The following ENPP2 variants were observed in gnomAD, a reference collection of about 807,000 sequenced individuals.
ENPP2 encodes the protein autotaxin.
A neutral mutation model predicts 120.2 loss-of-function variants in ENPP2; 51 were observed. The observed-to-expected ratio is 0.42, with a 90% CI of 0.34 to 0.54. The LOEUF (loss-of-function observed/expected upper bound fraction) is 0.54, where lower values mean the gene tolerates loss of function less well. ENPP2 is among the 20% of genes least tolerant of loss of function. The pLI, the probability that ENPP2 is intolerant of heterozygous loss-of-function variation, is 0.04. For synonymous variants in ENPP2, 365 were observed against 366.4 expected (o/e 1.00, Z 0.04); for missense variants, 920 against 1,066.5 (o/e 0.86, Z 1.91).
intron 5 of ENPP2, chr8:119,618,177 TGAGATGAG>T: frequency 2.7e-6 from 1 of 374,454 alleles, no homozygotes; most frequent in South Asian, 2.0e-5. Flanking sequence ...TAGCTTTTTT[TGAGATGAG>T]CTATCAAGGC....
At chr8:119,624,712 C>T (rs985968756) in intron 3 of ENPP2, among the ~76,000 whole-genome samples, 1 of 152,118 alleles carries the variant, frequency 6.6e-6, no homozygotes, top group Admixed American at 6.5e-5. Flanking sequence ...TTTATTAATA[C>T]AGATACTTTC....
At chr8:119,611,977 C>T (rs913428128) in intron 8 of ENPP2, among the ~76,000 whole-genome samples, 21 of 151,924 alleles carry the variant, frequency 1.4e-4, no homozygotes, top group African/African-American at 4.6e-4. Flanking sequence ...TGCTGTGAGC[C>T]GAGACTGTGC....
rs1375018672 is a variant in ENPP2 at position 119,621,470 on chromosome 8, T to C, written c.342A>G (p.Glu114=). The C allele has an allele frequency of 6.2e-7, 1 of 1,613,452 alleles. No individual in the cohort carries two copies. The highest frequency in any genetic ancestry group is 1.3e-5 in the African/African-American group (1 of 74,902). Residue 114 remains glutamate (E), a synonymous_variant, in exon 4 of 25, where the codon GAA becomes GAG. Transcript: ENST00000075322. ...CCTCTGAGCAGTGACAGGCATTTTC[T>C]TCATTTCTGACTTCTCCACATCTGT... ...TKDRCGEVRN[E]ENACHCSEDC...
In ENPP2 at chr8:119,557,560, T is replaced by A; in HGVS notation, c.2553A>T (p.Thr851=). Residue 851 remains threonine, a synonymous_variant, in exon 25 of 25, where the codon ACA becomes ACT. Transcript: ENST00000075322. ...CATATGTATGCAGGTATGTCTTGAG[T>A]GTCAGGATTTCTGGGTAGCTGCGGC... ...KTSRSYPEIL[T]LKTYLHTYES... The A allele has an allele frequency of 6.2e-7, 1 of 1,613,296 alleles. No homozygotes were observed. Among genetic ancestry groups the A allele is most frequent in the South Asian group, 1.1e-5 (1 of 91,032 alleles).
chr8:119,598,071 G>C (rs1587434823), intron 11 of ENPP2, among the ~76,000 whole-genome samples: 1 of 152,080 alleles, frequency 6.6e-6, no homozygotes. Context: ...TGATATATAG[G>C]TAGGCATATA....
intron 1 of ENPP2, among the ~76,000 whole-genome samples, chr8:119,655,873 G>C (rs529651381): frequency 6.6e-6 from 1 of 152,250 alleles, no homozygotes; most frequent in East Asian, 1.9e-4. Flanking sequence ...CTATGCAATG[G>C]GACATTTAGT....
At chr8:119,637,064 T>C (rs1817042467) in intron 2 of ENPP2, among the ~76,000 whole-genome samples, 1 of 152,134 alleles carries the variant, frequency 6.6e-6, no homozygotes, top group African/African-American at 2.4e-5. Context: ...AAAAAAAAAG[T>C]TCCCTTTAGT....
intron 1 of ENPP2, among the ~76,000 whole-genome samples, chr8:119,666,461 C>T (rs1318341095): frequency 6.6e-6 from 1 of 151,912 alleles, no homozygotes; most frequent in East Asian, 1.9e-4. Flanking sequence ...TATAATGCAA[C>T]CTATCACATT....
intron 19 of ENPP2, among the ~76,000 whole-genome samples, chr8:119,573,756 C>G (rs545563626): frequency 6.6e-6 from 1 of 152,210 alleles, no homozygotes; most frequent in African/African-American, 2.4e-5. Context: ...ATGCAGTGAG[C>G]CAAGATCGTG....
At position 119,557,396 on chromosome 8, in the gene ENPP2, T is replaced by A. The variant is rs1039809601; in HGVS notation, c.*125A>T. 1 of 735,590 alleles carries A rather than the reference T, an allele frequency of 1.4e-6. No homozygotes were observed. Among genetic ancestry groups the A allele is most frequent in the African/African-American group, 1.8e-5 (1 of 54,772 alleles). The allele number at this position is 735,590 out of a possible 1,614,324, so 45.6% of individuals were successfully genotyped here. On this transcript the variant is annotated 3_prime_UTR_variant, in exon 25 of 25. Transcript: ENST00000075322. Reference sequence around the variant, plus strand: ...ACAGTGGAGTCATTCAGGCATAATATGTCAGATTTGGTACAGGATTAAAAT... The same window carrying A: ...ACAGTGGAGTCATTCAGGCATAATAAGTCAGATTTGGTACAGGATTAAAAT...
intron 19 of ENPP2, among the ~76,000 whole-genome samples, chr8:119,578,730 G>A (rs1460399370): frequency 1.3e-5 from 2 of 152,196 alleles, no homozygotes; most frequent in Admixed American, 1.3e-4. Flanking sequence ...AAAGATTTGT[G>A]TGCCTTCTAC....
intron 18 of ENPP2, 160 bp from the exon 19 acceptor site, chr8:119,580,327 A>C: frequency 1.5e-6 from 1 of 667,994 alleles, no homozygotes; most frequent in Non-Finnish European, 2.7e-6. Flanking sequence ...GTTTTCTCTC[A>C]AACTGACATT....
At chr8:119,592,126 G>A (rs1813548161) in intron 12 of ENPP2, among the ~76,000 whole-genome samples, 1 of 152,150 alleles carries the variant, frequency 6.6e-6, no homozygotes, top group Admixed American at 6.5e-5. Flanking sequence ...GCTGTTAAAT[G>A]ACACAGTGCA....
chr8:119,619,733 A>G (rs1212801016), intron 4 of ENPP2, among the ~76,000 whole-genome samples: 1 of 151,834 alleles, frequency 6.6e-6, no homozygotes, highest in African/African-American at 2.4e-5. Flanking sequence ...AAAAAGTCTT[A>G]GAATCTACAG....
At position 119,593,741 on chromosome 8, in the gene ENPP2, C is replaced by G. The variant is rs1813697060; in HGVS notation, c.1081+11G>C. Reference sequence around the variant, plus strand: ...ATCTATCCTATTAGCAAAGAAAAAACAAAGCTTTACCATGGTCTCCGACAA... The same window carrying G: ...ATCTATCCTATTAGCAAAGAAAAAAGAAAGCTTTACCATGGTCTCCGACAA... On this transcript the variant is annotated intron_variant, in intron 12 of 24. Transcript: ENST00000075322. 1 of 1,536,484 alleles carries G rather than the reference C, an allele frequency of 6.5e-7. No individual in the cohort carries two copies. The highest frequency in any genetic ancestry group is 1.4e-5 in the African/African-American group (1 of 73,366).
At chr8:119,561,123 T>G (rs16892751) in intron 24 of ENPP2, among the ~76,000 whole-genome samples, 2 of 152,232 alleles carry the variant, frequency 1.3e-5, no homozygotes, top group East Asian at 3.8e-4. Flanking sequence ...TCTAATATTC[T>G]GGCAAAACTT....
chr8:119,601,298 A>G (rs1814288184), intron 10 of ENPP2, 99 bp downstream of exon 10: 2 of 831,570 alleles, frequency 2.4e-6, no homozygotes, highest in South Asian at 1.6e-5. Context: ...TTTTAATTCC[A>G]AACATTGGCT....
In ENPP2 at chr8:119,658,510, C is replaced by T. The variant is rs147559078; in HGVS notation, c.21+14742G>A. On this transcript the variant is annotated intron_variant, in intron 1 of 25. Coordinates refer to the ENPP2 transcript ENST00000427067. ...AAAGCAGACATTTCCTAGAGTCAGG[C>T]ACATCTAGGTTCAAACCTCAGCACT... Among the ~76,000 whole-genome samples the T allele has an allele frequency of 2.7e-3, 407 of 152,324 alleles. 2 individuals are homozygous for T. The highest frequency in any genetic ancestry group is 3.9e-3 in the Non-Finnish European group (262 of 68,032).
intron 1 of ENPP2, among the ~76,000 whole-genome samples, chr8:119,663,901 C>A (rs16892926): frequency 6.6e-6 from 1 of 152,114 alleles, no homozygotes; most frequent in Non-Finnish European, 1.5e-5. Flanking sequence ...TGGAAAAACT[C>A]GAATATATCC....
Sources: allele counts gnomAD v4.1 joint callset (sites outside exome capture counted in the v4.1 genomes callset), GRCh38; gene constraint gnomAD v4.1.1; transcripts MANE v1.5; gene names NCBI Gene and HGNC (gene_info 2026-07-23, HGNC 2026-07-21).